RIMS2: variants seen among roughly 807,000 people sequenced by gnomAD.
The protein encoded by RIMS2 is regulating synaptic membrane exocytosis 2.
A neutral mutation model predicts 174.4 loss-of-function variants in RIMS2; 59 were observed. The ratio of observed to expected loss-of-function variants is 0.34; its 90% CI spans 0.27 to 0.42. The LOEUF is 0.42. Ranked by LOEUF, RIMS2 falls within the 10% of genes least tolerant of loss-of-function variation. The probability of loss-of-function intolerance (pLI) is 1.00; values close to 1 mark genes in which losing one functional copy is unlikely to be tolerated. For missense variants in RIMS2, 1,620 were observed against 1,666.3 expected, an observed-to-expected ratio of 0.97 and a Z score of 0.48; for synonymous variants, 606 against 572.5, an observed-to-expected ratio of 1.06 and a Z score of -0.84.
intron 19 of RIMS2, among the ~76,000 whole-genome samples, chr8:104,159,095 G>GT (rs1352737106): frequency 6.6e-6 from 1 of 152,128 alleles, no homozygotes; most frequent in Non-Finnish European, 1.5e-5. Flanking sequence ...GAGGGATCCA[G>GT]TTTCAGCTTT....
chr8:103,861,185 G>T (rs2099057005), intron 3 of RIMS2, among the ~76,000 whole-genome samples: 1 of 147,796 alleles, frequency 6.8e-6, no homozygotes, highest in Non-Finnish European at 1.5e-5. Context: ...TTATGTTTAT[G>T]TGTACCTGTT....
At chr8:104,112,621 G>A (rs2098208909) in intron 19 of RIMS2, among the ~76,000 whole-genome samples, 3 of 152,092 alleles carry the variant, frequency 2.0e-5, no homozygotes, top group Admixed American at 1.3e-4. Context: ...TAGAATTTAG[G>A]TTCAATCTGT....
At chr8:104,209,907 T>G (rs1393720382) in intron 19 of RIMS2, among the ~76,000 whole-genome samples, 1 of 151,980 alleles carries the variant, frequency 6.6e-6, no homozygotes, top group Non-Finnish European at 1.5e-5. Flanking sequence ...TGAAATTGAG[T>G]CTATAAAAAG....
At position 104,101,572 on chromosome 8, in the gene RIMS2, A is replaced by T. The variant is rs1434207118; in HGVS notation, c.3334+86957A>T. Among the ~76,000 whole-genome samples, 3 of 152,212 alleles carry T rather than the reference A, an allele frequency of 2.0e-5. No individual in the cohort carries two copies. In the East Asian group the frequency reaches 5.8e-4, roughly 29 times the overall value. On this transcript the variant is annotated intron_variant, in intron 19 of 23. Coordinates refer to ENST00000504942, the Ensembl canonical transcript of RIMS2. ...GAGATACATATAGATACACACACAC[A>T]CACATATATATACACACACATAGCA...
At chr8:103,975,484 C>T in exon 16 of RIMS2, 1 of 1,613,196 alleles carries the variant, frequency 6.2e-7, no homozygotes, top group Non-Finnish European at 8.5e-7. Context: ...ATCATGGTCA[C>T]CCAGTGTCCC....
chr8:104,105,406 TAAGAC>T (rs1027971515), intron 19 of RIMS2, among the ~76,000 whole-genome samples: 4 of 152,160 alleles, frequency 2.6e-5, no homozygotes, highest in Non-Finnish European at 4.4e-5. Flanking sequence ...AGGTTTTAGT[TAAGAC>T]AAGATAAAGG....
At chr8:103,521,520 C>T (rs1487903424) in intron 1 of RIMS2, among the ~76,000 whole-genome samples, 1 of 151,960 alleles carries the variant, frequency 6.6e-6, no homozygotes, top group Non-Finnish European at 1.5e-5. Flanking sequence ...TTTTCTCAGC[C>T]ATCTACCTCA....
At chr8:103,845,485 T>G (rs1210048680) in intron 3 of RIMS2, among the ~76,000 whole-genome samples, 1 of 152,172 alleles carries the variant, frequency 6.6e-6, no homozygotes, top group Non-Finnish European at 1.5e-5. Flanking sequence ...TAATCATTAC[T>G]GTGACTCTCT....
At chr8:103,535,666 A>G (rs2449908) in intron 1 of RIMS2, among the ~76,000 whole-genome samples, 28,634 of 152,146 alleles carry the variant, frequency 0.19, 3,198 homozygotes, top group South Asian at 0.34. Flanking sequence ...ATTTTGATTA[A>G]TGATAGGTTT....
intron 1 of RIMS2, among the ~76,000 whole-genome samples, chr8:103,586,022 A>T (rs1029183001): frequency 1.3e-5 from 2 of 152,168 alleles, no homozygotes; most frequent in African/African-American, 4.8e-5. Flanking sequence ...AAATGATAAA[A>T]GGGGTTAATT....
intron 19 of RIMS2, among the ~76,000 whole-genome samples, chr8:104,037,120 A>G (rs1703047037): frequency 1.3e-5 from 2 of 152,076 alleles, no homozygotes; most frequent in Non-Finnish European, 2.9e-5. Flanking sequence ...CACTGTGGAG[A>G]TGTTCTAGTT....
intron 1 of RIMS2, among the ~76,000 whole-genome samples, chr8:103,646,378 T>A (rs776200633): frequency 6.6e-6 from 1 of 152,142 alleles, no homozygotes; most frequent in African/African-American, 2.4e-5. Flanking sequence ...CTGTCTCCTT[T>A]TTTTTCTTCA....
intron 19 of RIMS2, among the ~76,000 whole-genome samples, chr8:104,183,536 T>C (rs543333502): frequency 1.7e-4 from 26 of 151,500 alleles, no homozygotes; most frequent in Non-Finnish European, 3.7e-4. Context: ...AGTAACACCA[T>C]AATGCAGAAG....
chr8:104,045,789 A>G (rs1318410694), intron 19 of RIMS2, among the ~76,000 whole-genome samples: 2 of 151,940 alleles, frequency 1.3e-5, no homozygotes, highest in Admixed American at 1.3e-4. Flanking sequence ...ATAAATTACT[A>G]TTTCAGACTG....
intron 14 of RIMS2, among the ~76,000 whole-genome samples, chr8:103,944,033 A>C (rs1317042122): frequency 3.3e-5 from 5 of 152,074 alleles, no homozygotes; most frequent in African/African-American, 1.2e-4. Flanking sequence ...AGAGGTAAGG[A>C]TTGATCTTAT....
intron 19 of RIMS2, among the ~76,000 whole-genome samples, chr8:104,113,115 A>G (rs1316181736): frequency 2.0e-5 from 3 of 152,156 alleles, no homozygotes; most frequent in African/African-American, 7.2e-5. Flanking sequence ...ATCATTGGAA[A>G]GGACTTTAGA....
chr8:103,868,237 T>C lies in RIMS2; in HGVS notation c.699-17061T>C, dbSNP rs78153389. Among the ~76,000 whole-genome samples the C allele has an allele frequency of 6.1e-3, 932 of 152,200 alleles. 11 individuals carry two copies. The highest frequency in any genetic ancestry group is 0.021 in the African/African-American group (882 of 41,570). ...TATAAATTTTGTATTTGAAACATTG[T>C]CTTAACTCATTGGTGATGATGAAAA... On this transcript the variant is annotated intron_variant, in intron 3 of 23. Transcript: ENST00000504942.
At chr8:103,817,783 A>G (rs1305785804) in intron 3 of RIMS2, among the ~76,000 whole-genome samples, 3 of 152,138 alleles carry the variant, frequency 2.0e-5, no homozygotes, top group Admixed American at 2.0e-4. Context: ...AAAAATAAAT[A>G]ATTAATTAAT....
chr8:103,785,710 A>G (rs1389297494), intron 3 of RIMS2, among the ~76,000 whole-genome samples: 1 of 152,156 alleles, frequency 6.6e-6, no homozygotes, highest in Admixed American at 6.6e-5. Flanking sequence ...ATGTTCATCA[A>G]GGATATTGGT....
Sources: gnomAD v4.1 joint callset for allele counts (sites outside exome capture counted in the v4.1 genomes callset) on GRCh38, gnomAD v4.1.1 for gene constraint, MANE v1.5 for transcripts, NCBI Gene and HGNC (gene_info 2026-07-23, HGNC 2026-07-21) for gene names.